The following TSPEAR variants were observed in gnomAD, a reference collection of about 807,000 sequenced individuals.
TSPEAR encodes thrombospondin-type laminin G domain and EAR repeat-containing protein.
TSPEAR carries 69 observed loss-of-function variants against 71.6 expected under a neutral mutation model. That is an observed-to-expected ratio of 0.96 (90% CI 0.79 to 1.18). The LOEUF is 1.18. Among genes scored for constraint, TSPEAR ranks in the 50% most tolerant of loss-of-function variants. The pLI, the probability that TSPEAR is intolerant of heterozygous loss-of-function variation, is 0.00. For missense variants in TSPEAR, 971 were observed against 894.9 expected (o/e 1.09, Z -1.09); for synonymous variants, 402 against 387.2 (o/e 1.04, Z -0.45).
At chr21:44,658,084 C>A in intron 1 of TSPEAR, 1 of 1,614,006 alleles carries the variant, frequency 6.2e-7, no homozygotes. Context: ...CCTCCGTGTG[C>A]ATGCCCGTGA....
chr21:44,602,548 C>T (rs1981022515), intron 1 of TSPEAR, among the ~76,000 whole-genome samples: 1 of 152,234 alleles, frequency 6.6e-6, no homozygotes, highest in Non-Finnish European at 1.5e-5. Flanking sequence ...CGTCTGGGAA[C>T]TGGGATTTCC....
At chr21:44,637,122 T>C (rs1983625461) in intron 1 of TSPEAR, among the ~76,000 whole-genome samples, 1 of 152,108 alleles carries the variant, frequency 6.6e-6, no homozygotes, top group African/African-American at 2.4e-5. Flanking sequence ...AGGTCACACC[T>C]TCCCTCCTGG....
chr21:44,700,273 A>C (rs1353424652), intron 1 of TSPEAR, among the ~76,000 whole-genome samples: 1 of 152,132 alleles, frequency 6.6e-6, no homozygotes, highest in Non-Finnish European at 1.5e-5. Flanking sequence ...CAGGAAGAAA[A>C]GGGCTGGCAG....
chr21:44,500,287 ACACGCAGGCCAC>A (rs1346277101), intron 11 of TSPEAR, among the ~76,000 whole-genome samples: 8 of 152,084 alleles, frequency 5.3e-5, no homozygotes, highest in African/African-American at 1.9e-4. Flanking sequence ...CCCCTCAAAC[ACACGCAGGCCAC>A]CACGCAGGCT....
chr21:44,588,777 ATG>A (rs1168276509), intron 1 of TSPEAR, among the ~76,000 whole-genome samples: 1 of 108,852 alleles, frequency 9.2e-6, no homozygotes. Flanking sequence ...ATATATATGT[ATG>A]TGTGTGTGTA....
intron 1 of TSPEAR, among the ~76,000 whole-genome samples, chr21:44,708,515 A>G (rs557606334): frequency 5.3e-4 from 81 of 152,190 alleles, no homozygotes; most frequent in African/African-American, 1.9e-3. Context: ...CCAACCTCCT[A>G]TTGCAAAGAG....
intron 1 of TSPEAR, chr21:44,702,681 C>G (rs558105849): frequency 6.5e-7 from 1 of 1,546,654 alleles, no homozygotes; most frequent in African/African-American, 1.4e-5. Flanking sequence ...GTTGTGCACC[C>G]GCCTTCTCCT....
chr21:44,558,228 C>T lies in TSPEAR; in HGVS notation c.303+9557G>A, dbSNP rs587704430. On this transcript the variant is annotated intron_variant, in intron 2 of 11. Transcript: ENST00000323084. ...ACAGCAGGTGGACCTGCACACGGGG[C>T]GGCAGAGGAGGGACACGGAGGAGGA... is the stretch of plus-strand genomic sequence containing the variant. The T allele has an allele frequency of 9.2e-5, 148 of 1,612,970 alleles. No homozygotes were observed. Among genetic ancestry groups the T allele is most frequent in the East Asian group, 3.3e-4 (15 of 44,846 alleles).
intron 1 of TSPEAR, chr21:44,601,795 T>C: frequency 6.4e-7 from 1 of 1,562,966 alleles, no homozygotes; most frequent in Non-Finnish European, 8.7e-7. Flanking sequence ...CCCTGGATTC[T>C]TTACCCTTGA....
intron 11 of TSPEAR, among the ~76,000 whole-genome samples, chr21:44,502,279 C>T (rs1245797650): frequency 1.3e-5 from 2 of 152,192 alleles, no homozygotes; most frequent in Non-Finnish European, 2.9e-5. Context: ...CTGCCGCCAT[C>T]CAAGATTGTT....
chr21:44,617,622 C>T (rs1207726293), intron 1 of TSPEAR, among the ~76,000 whole-genome samples: 1 of 152,228 alleles, frequency 6.6e-6, no homozygotes, highest in Non-Finnish European at 1.5e-5. Context: ...CTGCAAGAGG[C>T]CCTGAGTCTT....
At chr21:44,517,785 G>C in intron 9 of TSPEAR, 1 of 471,212 alleles carries the variant, frequency 2.1e-6, no homozygotes, top group South Asian at 1.5e-5. Flanking sequence ...CTGATATCCA[G>C]GGCTGCCGAT....
intron 1 of TSPEAR, among the ~76,000 whole-genome samples, chr21:44,673,907 A>G (rs1986175506): frequency 6.6e-6 from 1 of 151,598 alleles, no homozygotes; most frequent in African/African-American, 2.4e-5. Context: ...AAATTTCTCA[A>G]AAAAAAATAA....
intron 1 of TSPEAR, chr21:44,675,887 G>A (rs1986291256): frequency 8.3e-6 from 6 of 726,628 alleles, no homozygotes; most frequent in South Asian, 7.6e-5. Flanking sequence ...CTGTACTTGA[G>A]TGGTTCTTGT....
intron 1 of TSPEAR, among the ~76,000 whole-genome samples, chr21:44,607,506 G>C (rs1601480119): frequency 6.6e-6 from 1 of 152,296 alleles, no homozygotes; most frequent in African/African-American, 2.4e-5. Flanking sequence ...AAATAATGAA[G>C]CTCTAGAAGC....
intron 2 of TSPEAR, among the ~76,000 whole-genome samples, chr21:44,540,423 G>A (rs1158412432): frequency 1.3e-5 from 2 of 152,146 alleles, no homozygotes; most frequent in Non-Finnish European, 2.9e-5. Context: ...TGTCCCATGT[G>A]GATCCCTGGG....
At chr21:44,630,728 CA>C (rs1737468404) in intron 1 of TSPEAR, among the ~76,000 whole-genome samples, 1 of 152,080 alleles carries the variant, frequency 6.6e-6, no homozygotes, top group South Asian at 2.1e-4. Flanking sequence ...CCCAGGTGAG[CA>C]CTGAGGGTGT....
At chr21:44,583,433 AGCACCTCCT>A (rs1555925390) in intron 1 of TSPEAR, among the ~76,000 whole-genome samples, 1 of 152,242 alleles carries the variant, frequency 6.6e-6, no homozygotes, top group Non-Finnish European at 1.5e-5. Context: ...AGTTAACAGA[AGCACCTCCT>A]GCAGCTCCGC....
intron 9 of TSPEAR, chr21:44,518,508 A>G (rs1555913806): frequency 5.1e-6 from 2 of 394,770 alleles, no homozygotes; most frequent in Non-Finnish European, 1.1e-5. Context: ...TTCTCTTGTC[A>G]CCTCACTTTG....
Sources: allele counts gnomAD v4.1 joint callset (sites outside exome capture counted in the v4.1 genomes callset), GRCh38; gene constraint gnomAD v4.1.1; transcripts MANE v1.5; gene names NCBI Gene and HGNC (gene_info 2026-07-23, HGNC 2026-07-21).